Variants in PLGRKT observed in about 807,000 individuals in gnomAD.
PLGRKT encodes the protein plasminogen receptor with a C-terminal lysine.
A neutral mutation model predicts 18.5 loss-of-function variants in PLGRKT; 22 were observed. The observed-to-expected ratio is 1.19, with a 90% CI of 0.85 to 1.70. PLGRKT has a LOEUF of 1.70. PLGRKT is among the 40% of genes most tolerant of loss of function. PLGRKT has a pLI of 0.00. For synonymous variants in PLGRKT, 72 were observed against 52.8 expected, an observed-to-expected ratio of 1.36 and a Z score of -1.58; for missense variants, 235 against 174.4, an observed-to-expected ratio of 1.35 and a Z score of -1.96.
In PLGRKT at chr9:5,358,072, G is replaced by C; in HGVS notation, c.*167C>G. On this transcript the variant is annotated 3_prime_UTR_variant, in exon 6 of 6. Coordinates refer to ENST00000223864, the MANE Select transcript of PLGRKT (RefSeq NM_018465.4). ...TTATTTAGAGCACCTCCATGATTTTGTGTTGAATGTTATAAATTTTATTTT... is the reference window on the plus strand; with the variant it reads ...TTATTTAGAGCACCTCCATGATTTTCTGTTGAATGTTATAAATTTTATTTT... 6 of 499,074 alleles carry C rather than the reference G, an allele frequency of 1.2e-5. No individual in the cohort carries two copies. In the Admixed American group the frequency reaches 1.7e-4, roughly 14 times the overall value. The allele number at this position is 499,074 out of a possible 1,614,324, so 30.9% of individuals were successfully genotyped here. A position where few individuals can be genotyped will look rare whatever the true frequency, so the allele number is the denominator to read the frequency against.
chr9:5,406,358 C>G (rs764894501), intron 3 of PLGRKT, among the ~76,000 whole-genome samples: 1 of 152,092 alleles, frequency 6.6e-6, no homozygotes, highest in Non-Finnish European at 1.5e-5. Context: ...TGGAATCAAC[C>G]CAAATGCCCA....
At chr9:5,394,508 G>C (rs1818008876) in intron 3 of PLGRKT, among the ~76,000 whole-genome samples, 1 of 151,852 alleles carries the variant, frequency 6.6e-6, no homozygotes, top group Non-Finnish European at 1.5e-5. Flanking sequence ...CGCCTCCCGG[G>C]TTCAAGCAAT....
chr9:5,361,703 T>C (rs900257174), intron 4 of PLGRKT, 55 bp downstream of exon 4: 4 of 1,538,494 alleles, frequency 2.6e-6, no homozygotes, highest in South Asian at 1.2e-5. Flanking sequence ...AAAATGGTAA[T>C]GGAAAACACA....
chr9:5,435,507 A>G (rs1046745637), intron 2 of PLGRKT, among the ~76,000 whole-genome samples: 2 of 152,146 alleles, frequency 1.3e-5, no homozygotes, highest in Non-Finnish European at 2.9e-5. Flanking sequence ...AGCATGTACT[A>G]AAGTTCTCAA....
At chr9:5,435,369 G>C (rs1303569324) in intron 2 of PLGRKT, among the ~76,000 whole-genome samples, 2 of 147,174 alleles carry the variant, frequency 1.4e-5, no homozygotes. Context: ...AAGGTCAGTA[G>C]ACCAGTTATT....
rs190698752 is a variant in PLGRKT, at chr9:5,412,773, A to G, written c.81+19124T>C. On this transcript the variant is annotated intron_variant, in intron 3 of 5. Coordinates refer to ENST00000223864, the MANE Select transcript of PLGRKT (RefSeq NM_018465.4). ...AATAAAATATTGGTAACTTGACCAC[A>G]TAAAACTAAACTTTTTTTCATGGTG... Among the ~76,000 whole-genome samples, 56 of 152,362 alleles carry G rather than the reference A, an allele frequency of 3.7e-4. 1 individual carries two copies. The highest frequency in any genetic ancestry group is 6.3e-4 in the Non-Finnish European group (43 of 68,032).
intron 3 of PLGRKT, among the ~76,000 whole-genome samples, chr9:5,429,457 G>A (rs1003585351): frequency 6.6e-6 from 1 of 152,230 alleles, no homozygotes; most frequent in African/African-American, 2.4e-5. Flanking sequence ...TTCTGAAGGG[G>A]AGAAATCTAA....
At chr9:5,372,578 C>T (rs1272551225) in intron 3 of PLGRKT, among the ~76,000 whole-genome samples, 1 of 152,176 alleles carries the variant, frequency 6.6e-6, no homozygotes, top group Non-Finnish European at 1.5e-5. Context: ...TGGGATTCTC[C>T]TAGGGGAACT....
intron 3 of PLGRKT, among the ~76,000 whole-genome samples, chr9:5,399,854 G>C (rs1818123315): frequency 6.6e-6 from 1 of 151,498 alleles, no homozygotes; most frequent in Non-Finnish European, 1.5e-5. Context: ...AGCCAGGCCT[G>C]GTGGTGCACG....
At chr9:5,421,842 T>G (rs1359142008) in intron 3 of PLGRKT, among the ~76,000 whole-genome samples, 1 of 152,220 alleles carries the variant, frequency 6.6e-6, no homozygotes, top group Non-Finnish European at 1.5e-5. Flanking sequence ...AGGAATCAAC[T>G]TGAAAGAGCT....
intron 2 of PLGRKT, among the ~76,000 whole-genome samples, chr9:5,434,931 A>G (rs1011968430): frequency 4.6e-5 from 7 of 152,122 alleles, no homozygotes; most frequent in Non-Finnish European, 1.0e-4. Context: ...GTGTCTGTGT[A>G]GAAAGAAGTA....
intron 3 of PLGRKT, among the ~76,000 whole-genome samples, chr9:5,431,273 C>A (rs1818816405): frequency 6.6e-6 from 1 of 152,116 alleles, no homozygotes. Flanking sequence ...GGCACACATA[C>A]CTGTAATTCC....
chr9:5,385,895 A>G (rs1157568465), intron 3 of PLGRKT, among the ~76,000 whole-genome samples: 1 of 151,942 alleles, frequency 6.6e-6, no homozygotes, highest in African/African-American at 2.4e-5. Context: ...AAGGAAAGGC[A>G]TGCTTATTGC....
At chr9:5,386,663 T>C (rs1478072330) in intron 3 of PLGRKT, among the ~76,000 whole-genome samples, 1 of 151,882 alleles carries the variant, frequency 6.6e-6, no homozygotes, top group Non-Finnish European at 1.5e-5. Context: ...CACTCCAGCC[T>C]TCATCTTTTC....
intron 3 of PLGRKT, among the ~76,000 whole-genome samples, chr9:5,382,451 G>A (rs1007351906): frequency 1.3e-5 from 2 of 152,180 alleles, no homozygotes; most frequent in Non-Finnish European, 2.9e-5. Flanking sequence ...GAGAAATGGG[G>A]AGCACTTCAG....
At chr9:5,362,101 A>C (rs2236321) in intron 3 of PLGRKT, among the ~76,000 whole-genome samples, 1 of 152,048 alleles carries the variant, frequency 6.6e-6, no homozygotes, top group African/African-American at 2.4e-5. Flanking sequence ...ATACAGAATA[A>C]ATATCAATAT....
At chr9:5,407,660 A>C (rs1266242054) in intron 3 of PLGRKT, among the ~76,000 whole-genome samples, 1 of 152,194 alleles carries the variant, frequency 6.6e-6, no homozygotes, top group Non-Finnish European at 1.5e-5. Flanking sequence ...TTCAAAAAAA[A>C]AAAAATTCTG....
chr9:5,434,925 C>G (rs2131184970), intron 2 of PLGRKT, among the ~76,000 whole-genome samples: 1 of 152,094 alleles, frequency 6.6e-6, no homozygotes, highest in South Asian at 2.1e-4. Context: ...GTTACTGTGT[C>G]TGTGTAGAAA....
rs7047601 is a variant in PLGRKT at position 5,409,488 on chromosome 9, T to C, written c.81+22409A>G. On this transcript the variant is annotated intron_variant, in intron 3 of 5. Coordinates refer to ENST00000223864, the MANE Select transcript of PLGRKT (RefSeq NM_018465.4). ...CTTGCTCCTTAGCCTGCAGATGGCC[T>C]ATTGTGGGATCTTGTGATCGTGTGA... Among the ~76,000 whole-genome samples the C allele has an allele frequency of 8.1e-3, 1,235 of 152,310 alleles. 20 individuals carry two copies. The highest frequency in any genetic ancestry group is 0.029 in the African/African-American group (1,200 of 41,564).
Sources: gnomAD v4.1 joint callset for allele counts (sites outside exome capture counted in the v4.1 genomes callset) on GRCh38, gnomAD v4.1.1 for gene constraint, MANE v1.5 for transcripts, NCBI Gene and HGNC (gene_info 2026-07-23, HGNC 2026-07-21) for gene names.